Variants in HCK observed in about 807,000 individuals in gnomAD.
The protein encoded by HCK is HCK proto-oncogene, Src family tyrosine kinase.
HCK carries 40 observed loss-of-function variants against 70.4 expected under a neutral mutation model. The observed-to-expected ratio is 0.57, with a 90% CI of 0.44 to 0.74. The LOEUF is 0.74. HCK is among the 30% of genes least tolerant of loss of function. HCK has a pLI of 0.00. For missense variants in HCK, 568 were observed against 697.2 expected, an observed-to-expected ratio of 0.81 and a Z score of 2.09; for synonymous variants, 245 against 263.2, an observed-to-expected ratio of 0.93 and a Z score of 0.67.
chr20:32,084,039 C>A lies in HCK; in HGVS notation c.678C>A (p.Tyr226Ter). Residue 226 changes from tyrosine (Y) to a stop codon, truncating the protein, a stop_gained, in exon 7 of 13, where the codon TAC (tyrosine) becomes TAA (stop). Coordinates refer to ENST00000375852, the MANE Select transcript of HCK (RefSeq NM_002110.5). LOFTEE classifies it high-confidence loss of function. ...CTCTGCAGGAGCTGGTGGACCACTA[C>A]AAGAGTGAGTCCCACCCCAGGGGTG... 6.2e-7 allele frequency: 1 copy of A among 1,613,476 alleles called. No homozygotes were observed. The highest frequency in any genetic ancestry group is 8.5e-7 in the Non-Finnish European group (1 of 1,179,914).
At chr20:32,072,036 G>A in intron 2 of HCK, 1 of 500,952 alleles carries the variant, frequency 2.0e-6, no homozygotes, top group East Asian at 3.3e-5. Context: ...ACAGGTGTGA[G>A]TGAGCATCTC....
intron 5 of HCK, among the ~76,000 whole-genome samples, chr20:32,076,647 C>G (rs1469869555): frequency 6.6e-6 from 1 of 152,186 alleles, no homozygotes; most frequent in African/African-American, 2.4e-5. Flanking sequence ...ACATGAGCAG[C>G]AACAGCATCA....
At chr20:32,064,979 C>G (rs2045435508) in intron 1 of HCK, among the ~76,000 whole-genome samples, 1 of 152,234 alleles carries the variant, frequency 6.6e-6, no homozygotes, top group Non-Finnish European at 1.5e-5. Flanking sequence ...GCTTTTGAAG[C>G]ACATTAGATG....
intron 1 of HCK, among the ~76,000 whole-genome samples, chr20:32,056,795 T>C (rs2045279096): frequency 6.6e-6 from 1 of 152,158 alleles, no homozygotes; most frequent in African/African-American, 2.4e-5. Flanking sequence ...AGCCAGGGCT[T>C]GGACTTTAAA....
intron 12 of HCK, 48 bp downstream of exon 12, chr20:32,099,183 C>A: frequency 6.3e-7 from 1 of 1,588,930 alleles, no homozygotes; most frequent in Non-Finnish European, 8.6e-7. Flanking sequence ...CCCAGTCTGG[C>A]AATGGGCTCA....
chr20:32,084,160 T>C, intron 7 of HCK, 117 bp downstream of exon 7: 5 of 1,206,882 alleles, frequency 4.1e-6, no homozygotes, highest in Non-Finnish European at 5.8e-6. Flanking sequence ...CCTAGACAGA[T>C]AGTTGCTTTG....
rs562080175 is a variant in HCK at position 32,084,634 on chromosome 20, A to G, written c.835+91A>G. The G allele has an allele frequency of 3.7e-5, 45 of 1,204,354 alleles. No individual in the cohort carries two copies. The South Asian group carries it at 6.0e-4, about 16-fold the overall frequency. 74.6% of individuals were successfully genotyped at this position (1,204,354 alleles called of 1,614,324 possible). ...CAGGAACACCTTATGGCAAAGCGGG[A>G]ATGCTACCCAAGGCAGAGGGGGAGA... On this transcript the variant is annotated intron_variant, in intron 8 of 12. Transcript: ENST00000375852.
intron 1 of HCK, among the ~76,000 whole-genome samples, chr20:32,064,591 T>A (rs981587707): frequency 3.9e-5 from 6 of 152,200 alleles, no homozygotes. Context: ...ACAATGAGCT[T>A]ATAGCAGAGA....
Position 32,093,938 on chromosome 20 carries a change from T to G in HCK, c.1168T>G (p.Ser390Ala), listed in dbSNP as rs751356172. The change falls in exon 11 of 13, where the codon TCT becomes GCT. Residue 390 changes from serine to alanine, a missense_variant. Physicochemically the swap from Ser to Ala is moderately conservative, Grantham distance 99. Transcript: ENST00000375852. Reference sequence around the variant, plus strand: ...CCTCCGAGCTGCCAACATCTTGGTCTCTGCATCCCTGGTGTGTAAGATTGC... The same window carrying G: ...CCTCCGAGCTGCCAACATCTTGGTCGCTGCATCCCTGGTGTGTAAGATTGC... 68 of 1,613,608 alleles carry G rather than the reference T, an allele frequency of 4.2e-5. 3 individuals carry two copies. In the South Asian group the frequency reaches 7.4e-4, roughly 17 times the overall value.
chr20:32,077,609 C>T (rs751350806), intron 5 of HCK, among the ~76,000 whole-genome samples: 9 of 151,820 alleles, frequency 5.9e-5, no homozygotes, highest in Non-Finnish European at 1.2e-4. Flanking sequence ...TCACTGCAAC[C>T]TCCGCCTCCC....
intron 7 of HCK, among the ~76,000 whole-genome samples, 173 bp downstream of exon 7, chr20:32,084,216 C>T (rs2045749693): frequency 6.6e-6 from 1 of 152,134 alleles, no homozygotes; most frequent in African/African-American, 2.4e-5. Flanking sequence ...GGTGAGGTGG[C>T]CAAGATGTAG....
chr20:32,096,982 G>A (rs1415555543), intron 11 of HCK, among the ~76,000 whole-genome samples: 2 of 151,916 alleles, frequency 1.3e-5, no homozygotes, highest in Admixed American at 6.6e-5. Context: ...GTTATAACTC[G>A]ATTAAAAAAA....
chr20:32,091,955 G>A (rs1001863203), intron 10 of HCK, among the ~76,000 whole-genome samples: 2 of 151,554 alleles, frequency 1.3e-5, no homozygotes, highest in Non-Finnish European at 2.9e-5. Context: ...ACTGTACTCC[G>A]TGACAGAGCA....
At chr20:32,086,000 T>A (rs1362131953) in intron 8 of HCK, among the ~76,000 whole-genome samples, 5 of 152,118 alleles carry the variant, frequency 3.3e-5, no homozygotes, top group Admixed American at 6.6e-5. Context: ...TTTAAAGCTA[T>A]TTTTATTTGT....
rs117811737 is a variant in HCK, at chr20:32,063,430, T to A, written c.63-8232T>A. Among the ~76,000 whole-genome samples, 2,317 of 152,056 alleles carry A rather than the reference T, an allele frequency of 0.015. 138 individuals carry two copies. In the East Asian group the frequency reaches 0.2, roughly 13 times the overall value. The stretch of plus-strand genomic sequence containing the variant: ...GCCATGCCTGGCTAATTTTTTTGGG[T>A]AGAGACAGGGTCTCGATATGTTGTC... On this transcript the variant is annotated intron_variant, in intron 1 of 12. Coordinates refer to ENST00000375852, the MANE Select transcript of HCK (RefSeq NM_002110.5).
intron 1 of HCK, among the ~76,000 whole-genome samples, chr20:32,060,909 GGAA>G (rs75238070): frequency 2.8e-5 from 1 of 35,674 alleles, no homozygotes; most frequent in Admixed American, 3.5e-4. Context: ...AAGAAAGGAA[GGAA>G]GAAGAAAGGA....
intron 4 of HCK, 40 bp from the exon 5 acceptor site, chr20:32,074,583 C>T: frequency 1.4e-6 from 2 of 1,436,444 alleles, no homozygotes; most frequent in Non-Finnish European, 2.0e-6. Context: ...GGAGAATGAT[C>T]CTTCTGTCCC....
chr20:32,087,610 G>T (rs1234225366), intron 9 of HCK, among the ~76,000 whole-genome samples: 1 of 151,834 alleles, frequency 6.6e-6, no homozygotes, highest in Non-Finnish European at 1.5e-5. Flanking sequence ...GGCACTACAG[G>T]CATGCACTAC....
At chr20:32,077,804 G>A (rs575573219) in intron 5 of HCK, among the ~76,000 whole-genome samples, 14 of 152,200 alleles carry the variant, frequency 9.2e-5, no homozygotes, top group South Asian at 2.1e-4. Context: ...GATTACAGGC[G>A]TGAGCCACTG....
Sources: gnomAD v4.1 joint callset for allele counts (sites outside exome capture counted in the v4.1 genomes callset) on GRCh38, gnomAD v4.1.1 for gene constraint, MANE v1.5 for transcripts, NCBI Gene and HGNC (gene_info 2026-07-23, HGNC 2026-07-21) for gene names.